CCDC146: variants seen among roughly 807,000 people sequenced by gnomAD.
CCDC146 encodes coiled-coil domain-containing protein 146.
In CCDC146, 92 loss-of-function variants were observed where a neutral mutation model predicts 119.3. The observed-to-expected ratio is 0.77, with a 90% CI of 0.65 to 0.92. CCDC146 has a LOEUF of 0.92. Among genes scored for constraint, CCDC146 ranks in the 40% least tolerant of loss-of-function variants. The pLI is 0.00. For missense variants in CCDC146, 1,000 were observed against 1,103.0 expected, an observed-to-expected ratio of 0.91 and a Z score of 1.32; for synonymous variants, 372 against 371.8, an observed-to-expected ratio of 1.00 and a Z score of -0.01.
At chr7:77,289,005 G>A (rs573921752) in intron 17 of CCDC146, among the ~76,000 whole-genome samples, 54 of 152,320 alleles carry the variant, frequency 3.5e-4, no homozygotes, top group African/African-American at 1.1e-3. Flanking sequence ...CTGCTCTGAT[G>A]ACTTCCATGA....
At chr7:77,235,711 T>C (rs3108405) in intron 2 of CCDC146, among the ~76,000 whole-genome samples, 142,539 of 152,252 alleles carry the variant, frequency 0.94, 66,857 homozygotes, top group African/African-American at 0.98. Flanking sequence ...AGTGGTCCAA[T>C]TGAGAGATGA....
intron 4 of CCDC146, among the ~76,000 whole-genome samples, chr7:77,248,313 A>G (rs1792993467): frequency 1.3e-5 from 2 of 152,230 alleles, no homozygotes; most frequent in African/African-American, 4.8e-5. Context: ...GAAATGACTT[A>G]ATGGGTATAC....
At chr7:77,277,675 C>T (rs1452148991) in intron 11 of CCDC146, among the ~76,000 whole-genome samples, 1 of 152,066 alleles carries the variant, frequency 6.6e-6, no homozygotes, top group Non-Finnish European at 1.5e-5. Flanking sequence ...TTCATGTGTA[C>T]AGTTACTTAA....
At chr7:77,135,026 TG>T (rs1219978190) in intron 1 of CCDC146, among the ~76,000 whole-genome samples, 4 of 152,232 alleles carry the variant, frequency 2.6e-5, no homozygotes, top group African/African-American at 9.6e-5. Flanking sequence ...ATGTTCCCTT[TG>T]CAAATATTTA....
chr7:77,140,504 G>T (rs1747687098), intron 1 of CCDC146, among the ~76,000 whole-genome samples: 1 of 152,156 alleles, frequency 6.6e-6, no homozygotes, highest in African/African-American at 2.4e-5. Context: ...TCTCCTTGTT[G>T]TTCCTCACAT....
At chr7:77,252,847 C>T (rs758315021) in intron 4 of CCDC146, among the ~76,000 whole-genome samples, 3 of 152,216 alleles carry the variant, frequency 2.0e-5, no homozygotes, top group Non-Finnish European at 2.9e-5. Context: ...GCTTTGCCAG[C>T]GGGAGCACGT....
Position 77,196,510 on chromosome 7 carries a change from A to G in CCDC146, c.156+28686A>G. 3 of 1,614,108 alleles carry G rather than the reference A, an allele frequency of 1.9e-6. No homozygotes were observed. Among genetic ancestry groups the G allele is most frequent in the Non-Finnish European group, 2.5e-6 (3 of 1,179,984 alleles). Reference sequence around the variant, plus strand: ...CACAGTTCCCAGAAGGATATCGATCATTGTCTTTATCTGGAGTGGTGAAAA... The same window carrying G: ...CACAGTTCCCAGAAGGATATCGATCGTTGTCTTTATCTGGAGTGGTGAAAA... On this transcript the variant is annotated intron_variant, in intron 2 of 18. Coordinates refer to ENST00000285871, the MANE Select transcript of CCDC146 (RefSeq NM_020879.3). This position sits in a 1 kb window ranked among gnomAD's most constrained non-coding sequence, Gnocchi z 4.2.
At chr7:77,184,910 G>C (rs1791640464) in intron 2 of CCDC146, among the ~76,000 whole-genome samples, 1 of 152,104 alleles carries the variant, frequency 6.6e-6, no homozygotes, top group South Asian at 2.1e-4. Context: ...GATACAACTG[G>C]AATCATTTTC....
chr7:77,282,693 A>T lies in CCDC146; in HGVS notation c.2056A>T (p.Ile686Phe). The T allele has an allele frequency of 6.2e-7, 1 of 1,614,190 alleles. No homozygotes were observed. Among genetic ancestry groups the T allele is most frequent in the South Asian group, 1.1e-5 (1 of 91,082 alleles). ...EEKIQFLKMKIAEKQRQICVT... is the reference protein window; with the variant it reads ...EEKIQFLKMKFAEKQRQICVT... ...AAAGATCCAATTCCTGAAAATGAAGATTGCTGAGAAGCAAAGACAAATTTG... is the reference window on the plus strand; with the variant it reads ...AAAGATCCAATTCCTGAAAATGAAGTTTGCTGAGAAGCAAAGACAAATTTG... Residue 686 changes from isoleucine (I) to phenylalanine (F), a missense_variant, in exon 15 of 19, where the codon ATT becomes TTT. Around this residue, in one of 2 missense-constraint regions of CCDC146, gnomAD observed 985 missense variants for 1,045.3 expected, o/e 0.94. Coordinates refer to ENST00000285871, the MANE Select transcript of CCDC146 (RefSeq NM_020879.3).
At chr7:77,188,529 A>AT (rs1489264697) in intron 2 of CCDC146, among the ~76,000 whole-genome samples, 1 of 152,188 alleles carries the variant, frequency 6.6e-6, no homozygotes, top group Admixed American at 6.5e-5. Context: ...TTATTTTGCT[A>AT]TATGCATATG....
intron 2 of CCDC146, among the ~76,000 whole-genome samples, chr7:77,184,223 C>T (rs994438328): frequency 6.6e-6 from 1 of 152,170 alleles, no homozygotes; most frequent in Non-Finnish European, 1.5e-5. Flanking sequence ...TAGTGTTTCA[C>T]ACATTATATA....
intron 2 of CCDC146, among the ~76,000 whole-genome samples, chr7:77,202,797 G>T (rs1319484299): frequency 2.6e-5 from 4 of 152,162 alleles, no homozygotes; most frequent in African/African-American, 7.2e-5. Context: ...TAAATGACTT[G>T]TCTGGTCATT....
intron 1 of CCDC146, among the ~76,000 whole-genome samples, chr7:77,158,515 TG>T (rs1274892137): frequency 6.6e-6 from 1 of 152,060 alleles, no homozygotes; most frequent in African/African-American, 2.4e-5. Context: ...GGATATTTAT[TG>T]TTTTTTTTTG....
At chr7:77,278,894 T>C in intron 12 of CCDC146, 43 bp from the exon 13 acceptor site, 3 of 1,598,028 alleles carry the variant, frequency 1.9e-6, no homozygotes, top group Non-Finnish European at 1.7e-6. Context: ...AAAAACCTGA[T>C]GTTCATTTCA....
chr7:77,138,954 C>A (rs1310718168), intron 1 of CCDC146, among the ~76,000 whole-genome samples: 1 of 152,162 alleles, frequency 6.6e-6, no homozygotes, highest in African/African-American at 2.4e-5. Flanking sequence ...AGATAGGCAG[C>A]GTCTTACAAA....
chr7:77,165,706 G>A (rs546209585), intron 1 of CCDC146, among the ~76,000 whole-genome samples: 46 of 152,360 alleles, frequency 3.0e-4, no homozygotes, highest in Middle Eastern at 6.8e-3. Context: ...CCTACCATGG[G>A]AGGCTGGTCC....
intron 7 of CCDC146, 165 bp from the exon 8 acceptor site, chr7:77,259,844 C>A: frequency 3.4e-6 from 2 of 581,728 alleles, no homozygotes; most frequent in South Asian, 4.3e-5. Flanking sequence ...GTGGTCTTTA[C>A]CCACTGCTGA....
intron 1 of CCDC146, among the ~76,000 whole-genome samples, chr7:77,136,450 G>A (rs1413750841): frequency 6.6e-6 from 1 of 152,100 alleles, no homozygotes; most frequent in Non-Finnish European, 1.5e-5. Context: ...GATCACTACA[G>A]ATCTCATGGA....
intron 2 of CCDC146, among the ~76,000 whole-genome samples, chr7:77,203,790 C>T (rs2150440375): frequency 6.6e-6 from 1 of 152,320 alleles, no homozygotes; most frequent in Middle Eastern, 3.4e-3. Flanking sequence ...ACATTACACT[C>T]ACTTACAGAC....
Sources: gnomAD v4.1 joint callset for allele counts (sites outside exome capture counted in the v4.1 genomes callset) on GRCh38, gnomAD v4.1.1 for gene constraint, gnomAD v4.1.1 regional missense constraint, Gnocchi (gnomAD v3.1) non-coding constraint, MANE v1.5 for transcripts, NCBI Gene and HGNC (gene_info 2026-07-23, HGNC 2026-07-21) for gene names.